The following CAPS2 variants were observed in gnomAD, a reference collection of about 807,000 sequenced individuals.
CAPS2 encodes calcyphosin-2.
Under a neutral mutation model 86.5 loss-of-function variants are expected in CAPS2, and 98 were observed. The ratio of observed to expected loss-of-function variants is 1.13; its 90% CI spans 0.96 to 1.34. CAPS2 has a LOEUF of 1.34. Among genes scored for constraint, CAPS2 ranks in the 40% most tolerant of loss-of-function variants. The pLI, the probability that CAPS2 is intolerant of heterozygous loss-of-function variation, is 0.00. For missense variants in CAPS2, 729 were observed against 686.8 expected (o/e 1.06, Z -0.69); for synonymous variants, 210 against 225.1 (o/e 0.93, Z 0.60).
chr12:75,344,015 A>G lies in CAPS2; in HGVS notation c.-394-20793T>C, dbSNP rs1451317258. 2.4e-6 allele frequency: 3 copies of G among 1,232,760 alleles called. No homozygotes were observed. In the East Asian group the frequency reaches 7.2e-5, roughly 29 times the overall value. The allele number at this position is 1,232,760 out of a possible 1,614,324, so 76.4% of individuals were successfully genotyped here. On this transcript the variant is annotated intron_variant, in intron 1 of 5. Transcript: ENST00000551829. ...TGCCAGAATTTATTTCTCTGTATGT[A>G]AAGTGCCTTTATTTTTCTGGCTGCC... is the stretch of plus-strand genomic sequence containing the variant.
chr12:75,343,695 T>G, intron 1 of CAPS2: 1 of 1,591,184 alleles, frequency 6.3e-7, no homozygotes, highest in Non-Finnish European at 8.6e-7. Flanking sequence ...TCTTTCAGAT[T>G]TGGGATAAAG....
intron 4 of CAPS2, among the ~76,000 whole-genome samples, chr12:75,322,064 AC>A (rs2040356517): frequency 6.6e-6 from 1 of 152,106 alleles, no homozygotes; most frequent in Non-Finnish European, 1.5e-5. Flanking sequence ...TTTCTCTTAA[AC>A]CAAAAATAAA....
rs749888844 is a variant in CAPS2, at chr12:75,299,921, A to G, written c.780-10T>C. Reference sequence around the variant, plus strand: ...AGAATGAGTTCTTATCCTGTTAAGAAATACATTTTGTCAGTAATTTTTCAA... The same window carrying G: ...AGAATGAGTTCTTATCCTGTTAAGAGATACATTTTGTCAGTAATTTTTCAA... On this transcript the variant is annotated splice_polypyrimidine_tract_variant and intron_variant, in intron 8 of 16. Coordinates refer to ENST00000393284, the Ensembl canonical transcript of CAPS2. The G allele has an allele frequency of 8.2e-7, 1 of 1,222,786 alleles. No individual in the cohort carries two copies. Among genetic ancestry groups the G allele is most frequent in the East Asian group, 2.7e-5 (1 of 37,630 alleles). 75.7% of individuals were successfully genotyped at this position (1,222,786 alleles called of 1,614,324 possible). A position where few individuals can be genotyped will look rare whatever the true frequency, so the allele number is the denominator to read the frequency against.
intron 1 of CAPS2, among the ~76,000 whole-genome samples, chr12:75,325,803 TGTGAG>T (rs2040719375): frequency 1.3e-5 from 2 of 151,410 alleles, no homozygotes; most frequent in South Asian, 4.2e-4. Flanking sequence ...AAATCCAGAG[TGTGAG>T]GGGGGGTAGG....
exon 12 of CAPS2, chr12:75,293,261 A>C: frequency 6.3e-7 from 1 of 1,587,552 alleles, no homozygotes; most frequent in Non-Finnish European, 8.6e-7. Context: ...GAGAGAATCC[A>C]AAGCTATTTG....
At chr12:75,292,757 T>C (rs2036212201) in intron 12 of CAPS2, among the ~76,000 whole-genome samples, 1 of 148,646 alleles carries the variant, frequency 6.7e-6, no homozygotes, top group Non-Finnish European at 1.5e-5. Flanking sequence ...TCAAAATATA[T>C]ATTCCTGTTA....
upstream of CAPS2, among the ~76,000 whole-genome samples, chr12:75,331,309 T>C (rs2041283789): frequency 6.6e-6 from 1 of 152,194 alleles, no homozygotes; most frequent in Non-Finnish European, 1.5e-5. Flanking sequence ...GCAGTAACTT[T>C]TCAAAATTAG....
At chr12:75,334,792 T>C, upstream of CAPS2, 2 of 1,614,072 alleles carry the variant, frequency 1.2e-6, no homozygotes, top group Non-Finnish European at 8.5e-7. Flanking sequence ...AGCCACTACA[T>C]CTTCCAAAAT....
At chr12:75,317,867 T>C (rs1236935035) in intron 5 of CAPS2, among the ~76,000 whole-genome samples, 1 of 152,086 alleles carries the variant, frequency 6.6e-6, no homozygotes, top group South Asian at 2.1e-4. Context: ...TGCCTTCTTA[T>C]CAAATTTCTA....
upstream of CAPS2, chr12:75,334,447 A>G: frequency 8.1e-7 from 1 of 1,233,792 alleles, no homozygotes; most frequent in Non-Finnish European, 1.0e-6. Flanking sequence ...TGCAGATTAC[A>G]GATTGGATCC....
chr12:75,313,936 T>C (rs1304534928), intron 6 of CAPS2, among the ~76,000 whole-genome samples: 1 of 152,238 alleles, frequency 6.6e-6, no homozygotes, highest in African/African-American at 2.4e-5. Context: ...TTGGCTTTTT[T>C]TGAGACAGGC....
intron 8 of CAPS2, among the ~76,000 whole-genome samples, chr12:75,302,484 A>C (rs1311402094): frequency 6.6e-6 from 1 of 152,214 alleles, no homozygotes; most frequent in Non-Finnish European, 1.5e-5. Flanking sequence ...TGGTAGGCAG[A>C]GATTATTTTT....
At chr12:75,315,611 A>T (rs937987002) in intron 6 of CAPS2, among the ~76,000 whole-genome samples, 10 of 152,168 alleles carry the variant, frequency 6.6e-5, no homozygotes, top group Non-Finnish European at 1.3e-4. Context: ...AATGTAACTA[A>T]CTAAATCCAT....
chr12:75,366,233 T>C (rs938241916), intron 1 of CAPS2, among the ~76,000 whole-genome samples: 1 of 152,126 alleles, frequency 6.6e-6, no homozygotes, highest in African/African-American at 2.4e-5. Flanking sequence ...TACACACTCA[T>C]AGAAAGATCC....
intron 1 of CAPS2, among the ~76,000 whole-genome samples, chr12:75,344,153 T>TA (rs1478026771): frequency 6.6e-6 from 1 of 152,092 alleles, no homozygotes. Context: ...TGTAAGTCTA[T>TA]AACTTAAATC....
Position 75,325,199 on chromosome 12 carries a change from T to C in CAPS2, c.131+40A>G, listed in dbSNP as rs1004594170. On this transcript the variant is annotated intron_variant, in intron 2 of 16. Transcript: ENST00000393284. Reference sequence around the variant, plus strand: ...AACTAGTCAATGTATGTTATATATGTGCCCATTAAACAGTCCAAATGTGAA... The same window carrying C: ...AACTAGTCAATGTATGTTATATATGCGCCCATTAAACAGTCCAAATGTGAA... The C allele has an allele frequency of 5.3e-6, 8 of 1,523,448 alleles. No homozygotes were observed. In the Admixed American group the frequency reaches 1.3e-4, roughly 25 times the overall value. The allele number at this position is 1,523,448 out of a possible 1,614,324, so 94.4% of individuals were successfully genotyped here. A position where few individuals can be genotyped will look rare whatever the true frequency, so the allele number is the denominator to read the frequency against.
upstream of CAPS2, among the ~76,000 whole-genome samples, chr12:75,329,678 G>T (rs1338514736): frequency 1.3e-5 from 2 of 152,010 alleles, no homozygotes; most frequent in Non-Finnish European, 2.9e-5. Flanking sequence ...GCTACATGAA[G>T]GTAGGGACCA....
At chr12:75,288,233 T>C (rs1029606165) in intron 14 of CAPS2, among the ~76,000 whole-genome samples, 3 of 152,152 alleles carry the variant, frequency 2.0e-5, no homozygotes, top group Non-Finnish European at 4.4e-5. Context: ...CTAGTATGTA[T>C]CACTAGGTAG....
At chr12:75,282,048 A>T (rs2138041812) in intron 16 of CAPS2, among the ~76,000 whole-genome samples, 1 of 152,228 alleles carries the variant, frequency 6.6e-6, no homozygotes, top group African/African-American at 2.4e-5. Flanking sequence ...TTGATAATAA[A>T]TATCAAATAA....
Sources: allele counts gnomAD v4.1 joint callset (sites outside exome capture counted in the v4.1 genomes callset), GRCh38; gene constraint gnomAD v4.1.1; transcripts MANE v1.5; gene names NCBI Gene and HGNC (gene_info 2026-07-23, HGNC 2026-07-21).